Variants in PDE4DIP observed in about 807,000 individuals in gnomAD.
PDE4DIP encodes the protein phosphodiesterase 4D interacting protein, also known as myomegalin.
A neutral mutation model predicts 221.4 loss-of-function variants in PDE4DIP; 59 were observed. The ratio of observed to expected loss-of-function variants is 0.27; its 90% CI spans 0.22 to 0.33. PDE4DIP has a LOEUF of 0.33. Among genes scored for constraint, PDE4DIP ranks in the 10% least tolerant of loss-of-function variants. The pLI is 1.00. For missense variants in PDE4DIP, 1,036 were observed against 2,154.2 expected (o/e 0.48, Z 10.28); for synonymous variants, 404 against 815.9 (o/e 0.50, Z 8.60).
chr1:148,982,324 T>C (rs587746817), intron 21 of PDE4DIP: 1 of 152,318 alleles, frequency 6.6e-6, no homozygotes, highest in South Asian at 2.1e-4. Flanking sequence ...AATAACTCAT[T>C]ATAGCCAGAA....
intron 21 of PDE4DIP, among the ~76,000 whole-genome samples, chr1:148,989,864 GT>G (rs1405912855): frequency 1.3e-5 from 2 of 152,178 alleles, no homozygotes; most frequent in Non-Finnish European, 2.9e-5. Flanking sequence ...TTTTCAGTAG[GT>G]TTTTAAAGCA....
chr1:148,961,729 A>G (rs1208410329), intron 6 of PDE4DIP, 108 bp from the exon 10 acceptor site: 13 of 608,646 alleles, frequency 2.1e-5, no homozygotes, highest in Non-Finnish European at 3.6e-5. Context: ...TAACAAGGTA[A>G]TATCCCCTAA....
At chr1:148,964,035 G>A (rs1252354048) in intron 9 of PDE4DIP, among the ~76,000 whole-genome samples, 3 of 151,040 alleles carry the variant, frequency 2.0e-5, no homozygotes, top group African/African-American at 7.3e-5. Flanking sequence ...TGAGATTACA[G>A]GCGTGAGCCA....
chr1:148,985,906 C>G (rs1193888726), intron 21 of PDE4DIP: 1 of 152,142 alleles, frequency 6.6e-6, no homozygotes, highest in African/African-American at 2.4e-5. Flanking sequence ...TAGTATATAA[C>G]ATGAATATGT....
chr1:149,014,926 C>T (rs2069904665), intron 32 of PDE4DIP, among the ~76,000 whole-genome samples: 2 of 152,184 alleles, frequency 1.3e-5, no homozygotes, highest in Admixed American at 1.3e-4. Context: ...CTCACATGGC[C>T]TTGATTAAAA....
At chr1:148,978,278 G>A (rs1553539322) in exon 19 of PDE4DIP, 2 of 1,597,710 alleles carry the variant, frequency 1.3e-6, no homozygotes, top group African/African-American at 2.7e-5. Context: ...TGACTTCTAG[G>A]ACCTGCAAAT....
exon 24 of PDE4DIP, chr1:149,001,628 C>G: frequency 6.2e-7 from 1 of 1,613,476 alleles, no homozygotes; most frequent in South Asian, 1.1e-5. Context: ...GAATGCGGAG[C>G]TGAAAGAGCA....
intron 1 of PDE4DIP, among the ~76,000 whole-genome samples, chr1:148,924,280 G>T (rs1400931053): frequency 6.6e-6 from 1 of 151,722 alleles, no homozygotes; most frequent in Admixed American, 6.6e-5. Flanking sequence ...GTGGCACCAA[G>T]AAGCATAGGG....
At chr1:148,999,277 G>C (rs1486432146) in intron 23 of PDE4DIP, 1 of 151,362 alleles carries the variant, frequency 6.6e-6, no homozygotes, top group African/African-American at 2.4e-5. Flanking sequence ...TCACTCCCAG[G>C]ACTATAATCA....
chr1:149,000,415 C>T (rs1365677383), intron 23 of PDE4DIP, among the ~76,000 whole-genome samples: 4 of 151,896 alleles, frequency 2.6e-5, no homozygotes, highest in African/African-American at 9.7e-5. Flanking sequence ...GTTAGCTGGG[C>T]GTGGTGGCAC....
chr1:148,934,462 G>T lies in PDE4DIP; in HGVS notation c.518+2174G>T, dbSNP rs761942320. ...TCCTCTGTGGAGACTAAGGGTCAAAGAGATGAGCAAAGTTTGAGGTTTAAG... is the reference window on the plus strand; with the variant it reads ...TCCTCTGTGGAGACTAAGGGTCAAATAGATGAGCAAAGTTTGAGGTTTAAG... On this transcript the variant is annotated intron_variant, in intron 4 of 43. Coordinates refer to ENST00000369354, the Ensembl canonical transcript of PDE4DIP. Among the ~76,000 whole-genome samples the T allele has an allele frequency of 5.4e-4, 83 of 152,362 alleles. 1 individual carries two copies. The highest frequency in any genetic ancestry group is 5.3e-4 in the Non-Finnish European group (36 of 68,048).
At chr1:148,978,216 T>A in intron 18 of PDE4DIP, 62 bp from the exon 22 acceptor site, 2 of 1,421,440 alleles carry the variant, frequency 1.4e-6, no homozygotes, top group Non-Finnish European at 2.0e-6. Flanking sequence ...GTTCCCGTGC[T>A]ACTCTGCTGA....
At chr1:148,929,356 A>T in intron 2 of PDE4DIP, 83 bp downstream of exon 5, 1 of 1,450,996 alleles carries the variant, frequency 6.9e-7, no homozygotes, top group Non-Finnish European at 9.4e-7. Context: ...CAAATTCCTT[A>T]ACCTATCTGT....
At chr1:148,953,084 G>A (rs2053997767) in intron 5 of PDE4DIP, 2 of 1,613,914 alleles carry the variant, frequency 1.2e-6, no homozygotes, top group Admixed American at 1.7e-5. Flanking sequence ...GAAGAATAAC[G>A]ATGACTCTGG....
rs1233116541 is a variant in PDE4DIP at position 148,996,269 on chromosome 1, CAAGACT to C, written c.2905-1871_2905-1866del. Among the ~76,000 whole-genome samples the C allele has an allele frequency of 7.9e-5, 12 of 152,298 alleles. No individual in the cohort carries two copies. In the South Asian group the frequency reaches 1.7e-3, roughly 21 times the overall value. On this transcript the variant is annotated intron_variant, in intron 22 of 43. Coordinates refer to ENST00000369354, the Ensembl canonical transcript of PDE4DIP. ...AAAAGAATAATGCTGTGCCCACACT[CAAGACT>C]AATGGCAAAGTGTGTTTTAGTTAAG...
intron 1 of PDE4DIP, among the ~76,000 whole-genome samples, chr1:148,927,446 G>T (rs587619464): frequency 1.8e-4 from 27 of 152,040 alleles, no homozygotes; most frequent in Admixed American, 1.4e-3. Context: ...TCTAAACTAG[G>T]TTTCTACTTT....
At chr1:148,827,227 G>GA (rs1670744375) in intron 1 of PDE4DIP, among the ~76,000 whole-genome samples, 1 of 65,304 alleles carries the variant, frequency 1.5e-5, no homozygotes, top group Admixed American at 1.5e-4. Context: ...AAGCTGACCT[G>GA]AAAAGGGTGT....
intron 20 of PDE4DIP, 37 bp from the exon 24 acceptor site, chr1:148,981,233 C>T (rs2152232762): frequency 6.2e-7 from 1 of 1,608,478 alleles, no homozygotes; most frequent in Non-Finnish European, 8.5e-7. Flanking sequence ...CAGTTGATGG[C>T]TAATCCACTT....
intron 17 of PDE4DIP, among the ~76,000 whole-genome samples, chr1:148,974,912 A>C (rs1632644): frequency 0.38 from 27,621 of 72,858 alleles, 4,210 homozygotes; most frequent in South Asian, 0.44. Flanking sequence ...GCCTGTAATC[A>C]CAGCACTTTG....
Sources: allele counts gnomAD v4.1 joint callset (sites outside exome capture counted in the v4.1 genomes callset), GRCh38; gene constraint gnomAD v4.1.1; transcripts MANE v1.5; gene names NCBI Gene and HGNC (gene_info 2026-07-23, HGNC 2026-07-21).